Variants in PTPRD observed in about 807,000 individuals in gnomAD.
PTPRD encodes protein tyrosine phosphatase receptor type D, also known as receptor-type tyrosine-protein phosphatase delta.
PTPRD carries 34 observed loss-of-function variants against 214.5 expected under a neutral mutation model. The observed-to-expected ratio is 0.16, with a 90% CI of 0.12 to 0.21. PTPRD has a LOEUF of 0.21. PTPRD is among the 10% of genes least tolerant of loss of function. The probability of loss-of-function intolerance (pLI) is 1.00; values close to 1 mark genes in which losing one functional copy is unlikely to be tolerated. For synonymous variants in PTPRD, 1,128 were observed against 845.7 expected (o/e 1.33, Z -5.79); for missense variants, 2,545 against 2,398.7 (o/e 1.06, Z -1.27).
At chr9:10,525,434 T>C (rs1226228976) in intron 2 of PTPRD, among the ~76,000 whole-genome samples, 4 of 152,014 alleles carry the variant, frequency 2.6e-5, no homozygotes, top group African/African-American at 9.7e-5. Flanking sequence ...CATTATATAC[T>C]CAGTACAAAT....
At chr9:9,701,042 A>G (rs917081611) in intron 7 of PTPRD, among the ~76,000 whole-genome samples, 1 of 151,054 alleles carries the variant, frequency 6.6e-6, no homozygotes, top group East Asian at 1.9e-4. Context: ...CTGAGATTAA[A>G]AAAAAAAAAA....
chr9:8,999,517 C>G (rs1407563864), intron 11 of PTPRD, among the ~76,000 whole-genome samples: 1 of 152,042 alleles, frequency 6.6e-6, no homozygotes, highest in South Asian at 2.1e-4. Flanking sequence ...CTACAATAGA[C>G]TGTGAACAGA....
chr9:8,587,129 G>A lies in PTPRD; in HGVS notation c.352+46188C>T, dbSNP rs193172186. Reference sequence around the variant, plus strand: ...CACACCACTGCACTCCAGCCTGGGCGACAGAGCGAGACTCCATCTAAAAAA... The same window carrying A: ...CACACCACTGCACTCCAGCCTGGGCAACAGAGCGAGACTCCATCTAAAAAA... On this transcript the variant is annotated intron_variant, in intron 14 of 45. Transcript: ENST00000381196. Among the ~76,000 whole-genome samples the A allele has an allele frequency of 1.4e-4, 22 of 152,252 alleles. No homozygotes were observed. The East Asian group carries it at 2.3e-3, about 16-fold the overall frequency.
chr9:9,138,897 T>C (rs962252772), intron 10 of PTPRD, among the ~76,000 whole-genome samples: 4 of 152,160 alleles, frequency 2.6e-5, no homozygotes, highest in African/African-American at 9.6e-5. Context: ...ACACAATTAA[T>C]GTTATATTTG....
At chr9:9,605,003 AT>A (rs1211183621) in intron 7 of PTPRD, among the ~76,000 whole-genome samples, 2 of 152,052 alleles carry the variant, frequency 1.3e-5, no homozygotes, top group Non-Finnish European at 2.9e-5. Context: ...CAACTGTGAA[AT>A]ATATGCTCAT....
At chr9:8,941,475 T>G (rs1466758137) in intron 11 of PTPRD, among the ~76,000 whole-genome samples, 1 of 152,204 alleles carries the variant, frequency 6.6e-6, no homozygotes, top group Non-Finnish European at 1.5e-5. Context: ...ATATGGGTCC[T>G]GGCTCCACTA....
chr9:8,766,000 A>G (rs1189864337), intron 11 of PTPRD, among the ~76,000 whole-genome samples: 1 of 152,124 alleles, frequency 6.6e-6, no homozygotes, highest in Non-Finnish European at 1.5e-5. Flanking sequence ...AACCTGATGT[A>G]GGAAAAAATG....
chr9:9,318,888 G>A (rs1463812508), intron 9 of PTPRD, among the ~76,000 whole-genome samples: 1 of 152,106 alleles, frequency 6.6e-6, no homozygotes, highest in Non-Finnish European at 1.5e-5. Flanking sequence ...CCCACCTGCA[G>A]GCTTCTAGAT....
chr9:9,772,192 C>T (rs2098757399), intron 5 of PTPRD, among the ~76,000 whole-genome samples: 1 of 152,030 alleles, frequency 6.6e-6, no homozygotes, highest in South Asian at 2.1e-4. Context: ...GCGAGAGATA[C>T]ACAGAAGACA....
In PTPRD at chr9:8,754,116, G is replaced by C. The variant is rs975601078; in HGVS notation, c.-103-20170C>G. ...GCTGAGATCGCACCACTGCACTCCA[G>C]CCTGGGTGACAGAGCGAGACTCCAT... On this transcript the variant is annotated intron_variant, in intron 11 of 45. Transcript: ENST00000381196. Among the ~76,000 whole-genome samples, 24 of 152,106 alleles carry C rather than the reference G, an allele frequency of 1.6e-4. 1 individual carries two copies. The highest frequency in any genetic ancestry group is 1.5e-4 in the Non-Finnish European group (10 of 68,036).
intron 2 of PTPRD, among the ~76,000 whole-genome samples, chr9:10,505,595 C>T (rs1403939690): frequency 6.6e-6 from 1 of 152,008 alleles, no homozygotes; most frequent in Non-Finnish European, 1.5e-5. Flanking sequence ...ACTTTCCCTC[C>T]TGTAGTCACC....
intron 2 of PTPRD, among the ~76,000 whole-genome samples, chr9:10,519,534 G>A (rs973667017): frequency 6.6e-6 from 1 of 151,888 alleles, no homozygotes; most frequent in Non-Finnish European, 1.5e-5. Flanking sequence ...ACTTCTTAGA[G>A]CTGAGTATAA....
intron 11 of PTPRD, among the ~76,000 whole-genome samples, chr9:9,002,467 C>T (rs2099428160): frequency 6.6e-6 from 1 of 151,916 alleles, no homozygotes; most frequent in South Asian, 2.1e-4. Flanking sequence ...ATTATATAAA[C>T]TTACTTTTGC....
At chr9:8,901,612 C>CGTA (rs1218360438) in intron 11 of PTPRD, among the ~76,000 whole-genome samples, 12 of 152,164 alleles carry the variant, frequency 7.9e-5, no homozygotes, top group Admixed American at 7.9e-4. Flanking sequence ...GAGGCTGGAA[C>CGTA]GTAGGTCTCC....
chr9:8,748,112 T>A (rs1358233751), intron 11 of PTPRD, among the ~76,000 whole-genome samples: 1 of 152,120 alleles, frequency 6.6e-6, no homozygotes, highest in Non-Finnish European at 1.5e-5. Context: ...ACAACTACTA[T>A]GCCCCAATTC....
chr9:9,654,158 T>G (rs2096450570), intron 7 of PTPRD, among the ~76,000 whole-genome samples: 1 of 152,140 alleles, frequency 6.6e-6, no homozygotes, highest in Admixed American at 6.5e-5. Flanking sequence ...AATGTTTCTT[T>G]GCCGTATAAT....
intron 2 of PTPRD, among the ~76,000 whole-genome samples, chr9:10,578,311 T>C (rs908391627): frequency 2.6e-5 from 4 of 152,180 alleles, no homozygotes; most frequent in African/African-American, 9.7e-5. Context: ...GAAGATATTG[T>C]AATATGTATG....
At chr9:9,134,840 C>T (rs960439588) in intron 10 of PTPRD, among the ~76,000 whole-genome samples, 1 of 149,126 alleles carries the variant, frequency 6.7e-6, no homozygotes, top group African/African-American at 2.5e-5. Flanking sequence ...CTCTATATTC[C>T]CAGCCCTTAA....
chr9:8,551,773 A>T (rs2082172955), intron 14 of PTPRD, among the ~76,000 whole-genome samples: 1 of 152,228 alleles, frequency 6.6e-6, no homozygotes, highest in African/African-American at 2.4e-5. Context: ...AATGTTGACT[A>T]TGAGGACCAA....
Sources: allele counts gnomAD v4.1 joint callset (sites outside exome capture counted in the v4.1 genomes callset), GRCh38; gene constraint gnomAD v4.1.1; transcripts MANE v1.5; gene names NCBI Gene and HGNC (gene_info 2026-07-23, HGNC 2026-07-21).